The following COL6A3 variants were observed in gnomAD, a reference collection of about 807,000 sequenced individuals.
COL6A3 encodes the protein collagen type VI alpha 3 chain, also known as collagen alpha-3(VI) chain.
A neutral mutation model predicts 274.1 loss-of-function variants in COL6A3; 137 were observed. The ratio of observed to expected loss-of-function variants is 0.50; its 90% CI spans 0.44 to 0.58. The LOEUF is 0.58. Among genes scored for constraint, COL6A3 ranks in the 20% least tolerant of loss-of-function variants. COL6A3 has a pLI of 0.00. For missense variants in COL6A3, 3,950 were observed against 4,124.9 expected, an observed-to-expected ratio of 0.96 and a Z score of 1.16; for synonymous variants, 1,650 against 1,650.6, an observed-to-expected ratio of 1.00 and a Z score of 0.01.
chr2:237,345,147 G>T, intron 33 of COL6A3, 34 bp downstream of exon 33: 2 of 1,614,008 alleles, frequency 1.2e-6, no homozygotes, highest in Non-Finnish European at 1.7e-6. Context: ...AGGCTCATGA[G>T]GTTAATGAGT....
At chr2:237,357,198 T>C in intron 23 of COL6A3, 140 bp downstream of exon 23, 1 of 805,384 alleles carries the variant, frequency 1.2e-6, no homozygotes. Flanking sequence ...GAAAATAGAT[T>C]GGAGTAACAA....
intron 40 of COL6A3, 55 bp downstream of exon 40, chr2:237,336,080 T>C (rs1700525889): frequency 2.5e-6 from 4 of 1,606,756 alleles, no homozygotes; most frequent in Non-Finnish European, 3.4e-6. Flanking sequence ...GAACACACCC[T>C]GGAGCAGGAA....
At chr2:237,345,828 A>C (rs1017000153) in intron 32 of COL6A3, among the ~76,000 whole-genome samples, 4 of 152,196 alleles carry the variant, frequency 2.6e-5, no homozygotes, top group African/African-American at 9.6e-5. Flanking sequence ...AAAGACAGCA[A>C]TCAGACCCAC....
chr2:237,355,049 C>G (rs1421946314), intron 23 of COL6A3, 115 bp from the exon 24 acceptor site: 2 of 973,744 alleles, frequency 2.1e-6, no homozygotes, highest in Non-Finnish European at 3.2e-6. Context: ...GGGAATCTTC[C>G]CAAGCACCCA....
chr2:237,345,800 C>A (rs1031815149), intron 32 of COL6A3, among the ~76,000 whole-genome samples: 2 of 152,144 alleles, frequency 1.3e-5, no homozygotes, highest in Non-Finnish European at 2.9e-5. Flanking sequence ...TGTGCTCCCC[C>A]CAACACTTCA....
At chr2:237,372,634 G>A (rs760486141) in intron 8 of COL6A3, among the ~76,000 whole-genome samples, 3 of 152,214 alleles carry the variant, frequency 2.0e-5, no homozygotes, top group South Asian at 4.1e-4. Context: ...TCAGGGACCC[G>A]AGGGTCAGCC....
At position 237,379,066 on chromosome 2, in the gene COL6A3, C is replaced by A. The variant is rs1372723004; in HGVS notation, c.2067G>T (p.Thr689=). Residue 689 remains threonine, a synonymous_variant, in exon 6 of 44, where the codon ACG becomes ACT. Coordinates refer to ENST00000295550, the MANE Select transcript of COL6A3 (RefSeq NM_004369.4). ...TCTGGTATGTGTTTAAAGAGAACTC[C>A]GTTACAGGAGTGTCACTAAATTGCA... ...GLVQFSDTPV[T]EFSLNTYQTK... 2.5e-6 allele frequency: 4 copies of A among 1,614,152 alleles called. No individual in the cohort carries two copies. Among genetic ancestry groups the A allele is most frequent in the Non-Finnish European group, 1.7e-6 (2 of 1,180,024 alleles).
chr2:237,395,370 C>A (rs970115397), intron 2 of COL6A3, among the ~76,000 whole-genome samples, 166 bp from the exon 3 acceptor site: 1 of 152,224 alleles, frequency 6.6e-6, no homozygotes, highest in Non-Finnish European at 1.5e-5. Context: ...GAACCAGGGA[C>A]CTGAGCCCAT....
At chr2:237,357,020 T>G (rs2106338862) in intron 23 of COL6A3, 167 of 434,988 alleles carry the variant, frequency 3.8e-4, no homozygotes, top group East Asian at 1.1e-3. Flanking sequence ...CCTCCCCCAG[T>G]ATTAGGATTT....
chr2:237,334,716 C>T lies in COL6A3; in HGVS notation c.9139G>A (p.Gly3047Ser), dbSNP rs1217734623. Residue 3047 changes from glycine to serine, a missense_variant, in exon 41 of 44, where the codon GGC (glycine) becomes AGC (serine). By Grantham distance (56) the Gly-to-Ser change is moderately conservative (BLOSUM62 0). Coordinates refer to ENST00000295550, the MANE Select transcript of COL6A3 (RefSeq NM_004369.4). ...NLTVTDRVIG[G>S]LLAGQTYHVA... ...TGGTATGTCTGCCCAGCGAGCAGGCCTCCAATGACGCGGTCCGTGACCGTG... is the reference window on the plus strand; with the variant it reads ...TGGTATGTCTGCCCAGCGAGCAGGCTTCCAATGACGCGGTCCGTGACCGTG... The T allele has an allele frequency of 1.2e-6, 2 of 1,614,062 alleles. No individual in the cohort carries two copies. The highest frequency in any genetic ancestry group is 8.5e-7 in the Non-Finnish European group (1 of 1,180,032).
chr2:237,369,897 G>T (rs1402148052), intron 9 of COL6A3, among the ~76,000 whole-genome samples: 8 of 149,708 alleles, frequency 5.3e-5, no homozygotes, highest in African/African-American at 2.0e-4. Flanking sequence ...GAGTGCAGTT[G>T]CACAGTCACA....
chr2:237,363,878 A>T (rs772794987), intron 13 of COL6A3, among the ~76,000 whole-genome samples: 2 of 152,244 alleles, frequency 1.3e-5, no homozygotes, highest in Non-Finnish European at 2.9e-5. Flanking sequence ...ATAGTCAAAG[A>T]TCACATCTGA....
At chr2:237,351,818 C>T (rs1450540236) in intron 26 of COL6A3, among the ~76,000 whole-genome samples, 1 of 152,318 alleles carries the variant, frequency 6.6e-6, no homozygotes. Context: ...AGCTTTCAAG[C>T]TAGAGAAGGA....
intron 6 of COL6A3, among the ~76,000 whole-genome samples, chr2:237,378,091 C>T (rs2077899273): frequency 6.6e-6 from 1 of 152,180 alleles, no homozygotes; most frequent in Admixed American, 6.5e-5. Context: ...TCTGATACAA[C>T]CATATCTTAC....
rs764886185 is a variant in COL6A3, at chr2:237,380,968, C to T, written c.1844G>A (p.Gly615Asp). 4.3e-6 allele frequency: 7 copies of T among 1,614,198 alleles called. No individual in the cohort carries two copies. Among genetic ancestry groups the T allele is most frequent in the Non-Finnish European group, 5.9e-6 (7 of 1,180,038 alleles). ...PAEFRAAPLQ[G>D]MLPGLLAPLR... ...AGGTGCCAGCAAGCCAGGCAGCATG[C>T]CTTGCAATGGGGCGGCTCGGAACTC... The change falls in exon 5 of 44, where the codon GGC becomes GAC. Residue 615 changes from glycine (G) to aspartate (D), a missense_variant. Coordinates refer to ENST00000295550, the MANE Select transcript of COL6A3 (RefSeq NM_004369.4).
chr2:237,408,684 T>C (rs2078780080), intron 1 of COL6A3, among the ~76,000 whole-genome samples: 2 of 152,212 alleles, frequency 1.3e-5, no homozygotes, highest in Middle Eastern at 6.8e-3. Flanking sequence ...ACACAGGGGG[T>C]TTTACAGAAA....
rs2077519208 is a variant in COL6A3 at position 237,364,948 on chromosome 2, T to C, written c.5839-520A>G. Among the ~76,000 whole-genome samples the C allele has an allele frequency of 6.6e-6, 1 of 151,822 alleles. No individual in the cohort carries two copies. Among genetic ancestry groups the C allele is most frequent in the Admixed American group, 6.6e-5 (1 of 15,224 alleles). On this transcript the variant is annotated intron_variant, in intron 12 of 43. Transcript: ENST00000295550. The surrounding 1 kb of genome is among the most constrained non-coding windows in gnomAD (Gnocchi z 4.6). ...GTGTGTGCGTGTGTGCATGTGTGCA[T>C]GTGTTATGGGCTAAATTGTGTCCCC...
intron 27 of COL6A3, among the ~76,000 whole-genome samples, chr2:237,350,770 T>C (rs778014642): frequency 6.6e-6 from 1 of 152,180 alleles, no homozygotes; most frequent in African/African-American, 2.4e-5. Flanking sequence ...CGTTCCATAT[T>C]ATACTGAAAC....
At chr2:237,359,555 T>G (rs2106341658) in intron 17 of COL6A3, among the ~76,000 whole-genome samples, 167 bp from the exon 18 acceptor site, 1 of 152,360 alleles carries the variant, frequency 6.6e-6, no homozygotes, top group East Asian at 1.9e-4. Flanking sequence ...CACCACCACG[T>G]GCGATGTTTT....
Sources: gnomAD v4.1 joint callset for allele counts (sites outside exome capture counted in the v4.1 genomes callset) on GRCh38, gnomAD v4.1.1 for gene constraint, Gnocchi (gnomAD v3.1) non-coding constraint, MANE v1.5 for transcripts, NCBI Gene and HGNC (gene_info 2026-07-23, HGNC 2026-07-21) for gene names.